The following TTC28 variants were observed in gnomAD, a reference collection of about 807,000 sequenced individuals.
TTC28 encodes the protein tetratricopeptide repeat domain 28, also known as tetratricopeptide repeat protein 28.
Under a neutral mutation model 198.0 loss-of-function variants are expected in TTC28, and 61 were observed. The ratio of observed to expected loss-of-function variants is 0.31; its 90% CI spans 0.25 to 0.38. TTC28 has a LOEUF of 0.38. Among genes scored for constraint, TTC28 ranks in the 10% least tolerant of loss-of-function variants. The probability of loss-of-function intolerance (pLI) is 1.00; values close to 1 mark genes in which losing one functional copy is unlikely to be tolerated. For synonymous variants in TTC28, 1,171 were observed against 1,297.8 expected, an observed-to-expected ratio of 0.90 and a Z score of 2.10; for missense variants, 2,678 against 3,164.0, an observed-to-expected ratio of 0.85 and a Z score of 3.69.
intron 2 of TTC28, among the ~76,000 whole-genome samples, chr22:28,479,838 G>A (rs1420538725): frequency 6.6e-6 from 1 of 151,864 alleles, no homozygotes; most frequent in African/African-American, 2.4e-5. Flanking sequence ...CCTGTTTTCT[G>A]TTCCACCACA....
intron 12 of TTC28, among the ~76,000 whole-genome samples, chr22:28,038,650 A>G (rs1939469113): frequency 6.6e-6 from 1 of 152,348 alleles, no homozygotes; most frequent in Non-Finnish European, 1.5e-5. Context: ...AATGGCAACA[A>G]AAGCCAAAAT....
intron 2 of TTC28, among the ~76,000 whole-genome samples, chr22:28,564,041 A>C (rs915060943): frequency 9.2e-5 from 14 of 152,222 alleles, no homozygotes; most frequent in African/African-American, 3.4e-4. Flanking sequence ...GATACAAATA[A>C]TCACATATTA....
At chr22:28,405,043 A>G (rs2046979521) in intron 2 of TTC28, among the ~76,000 whole-genome samples, 1 of 152,176 alleles carries the variant, frequency 6.6e-6, no homozygotes, top group African/African-American at 2.4e-5. Context: ...AAAGAATTCT[A>G]TCTTCACACA....
At chr22:28,079,585 T>C (rs1311301386) in intron 12 of TTC28, among the ~76,000 whole-genome samples, 4 of 152,206 alleles carry the variant, frequency 2.6e-5, no homozygotes, top group Admixed American at 2.0e-4. Flanking sequence ...GATACCTTAA[T>C]GTGAAATAAG....
chr22:28,177,163 C>T (rs778882798), intron 5 of TTC28, among the ~76,000 whole-genome samples: 13 of 151,966 alleles, frequency 8.6e-5, no homozygotes, highest in Non-Finnish European at 1.5e-4. Context: ...AAAAGCTCAA[C>T]AAGAAAACAA....
intron 21 of TTC28, among the ~76,000 whole-genome samples, chr22:27,987,615 C>T (rs1270081624): frequency 3.3e-5 from 5 of 152,148 alleles, no homozygotes; most frequent in Non-Finnish European, 5.9e-5. Context: ...TGCCTCAAGT[C>T]CCAGCTACTT....
chr22:28,373,745 C>T (rs2046370545), intron 2 of TTC28, among the ~76,000 whole-genome samples: 1 of 152,124 alleles, frequency 6.6e-6, no homozygotes, highest in Admixed American at 6.5e-5. Context: ...GACAGTAATC[C>T]TCTGTCAGTA....
At chr22:28,141,883 C>A (rs1159485637) in intron 6 of TTC28, among the ~76,000 whole-genome samples, 1 of 152,102 alleles carries the variant, frequency 6.6e-6, no homozygotes, top group Non-Finnish European at 1.5e-5. Context: ...TCAACACAGG[C>A]ACAAGGGATT....
intron 2 of TTC28, among the ~76,000 whole-genome samples, chr22:28,582,231 GA>G (rs2050243443): frequency 6.6e-6 from 1 of 152,080 alleles, no homozygotes; most frequent in Non-Finnish European, 1.5e-5. Flanking sequence ...GTGATAGGGA[GA>G]AGAAGATCCC....
intron 2 of TTC28, among the ~76,000 whole-genome samples, chr22:28,534,614 G>A (rs1021694225): frequency 3.3e-5 from 5 of 152,266 alleles, no homozygotes; most frequent in African/African-American, 4.8e-5. Flanking sequence ...ACATGCACAC[G>A]TATGTTTACT....
intron 2 of TTC28, among the ~76,000 whole-genome samples, chr22:28,389,634 G>T (rs2046679907): frequency 6.6e-6 from 1 of 151,002 alleles, no homozygotes; most frequent in Admixed American, 6.6e-5. Context: ...TTGCGTAGAG[G>T]TGTTTGTAGT....
In TTC28 at chr22:28,107,317, G is replaced by A. The variant is rs757323688; in HGVS notation, c.2528C>T (p.Thr843Ile). The A allele has an allele frequency of 9.7e-6, 15 of 1,551,752 alleles. No homozygotes were observed. The highest frequency in any genetic ancestry group is 1.3e-5 in the Non-Finnish European group (15 of 1,147,020). Residue 843 changes from threonine to isoleucine, a missense_variant, in exon 7 of 23, where the codon ACA becomes ATA. Physicochemically the swap from Thr to Ile is moderately conservative, Grantham distance 89. Coordinates refer to ENST00000397906, the MANE Select transcript of TTC28 (RefSeq NM_001145418.2). ...TTCCATCACATTCATGTTCATCTTT[G>A]TGATGCCCATGTTGCCATAGACCTG... ...EAQVYGNMGI[T>I]KMNMNVMEEA...
intron 2 of TTC28, among the ~76,000 whole-genome samples, chr22:28,522,393 C>G (rs1338942656): frequency 6.6e-6 from 1 of 151,252 alleles, no homozygotes; most frequent in Non-Finnish European, 1.5e-5. Flanking sequence ...GAGGCTGAGG[C>G]AGGAGAATCT....
chr22:28,321,328 C>T (rs17502181), intron 2 of TTC28, among the ~76,000 whole-genome samples: 27,832 of 152,116 alleles, frequency 0.18, 3,277 homozygotes, highest in Non-Finnish European at 0.26. Context: ...CTACAATCAA[C>T]GGTTGCTAAT....
At chr22:28,245,536 A>T (rs985650945) in intron 5 of TTC28, among the ~76,000 whole-genome samples, 4 of 152,148 alleles carry the variant, frequency 2.6e-5, no homozygotes, top group African/African-American at 9.7e-5. Context: ...TTTAGGGTGG[A>T]CTCCAAAACA....
At chr22:28,548,281 T>C (rs2049586335) in intron 2 of TTC28, among the ~76,000 whole-genome samples, 1 of 152,158 alleles carries the variant, frequency 6.6e-6, no homozygotes, top group South Asian at 2.1e-4. Flanking sequence ...TCTAAAAATA[T>C]ATGTTTTAAC....
At chr22:28,365,069 T>C (rs746783967) in intron 2 of TTC28, among the ~76,000 whole-genome samples, 1 of 152,206 alleles carries the variant, frequency 6.6e-6, no homozygotes, top group Non-Finnish European at 1.5e-5. Flanking sequence ...AACTTCACTG[T>C]TGTCTTAAGA....
chr22:28,017,621 A>G (rs374984051), intron 13 of TTC28, among the ~76,000 whole-genome samples: 1 of 152,154 alleles, frequency 6.6e-6, no homozygotes, highest in Non-Finnish European at 1.5e-5. Context: ...AGGGCTGGGG[A>G]TGCAGGCCGA....
chr22:28,512,008 G>C (rs943597925), intron 2 of TTC28, among the ~76,000 whole-genome samples: 1 of 151,562 alleles, frequency 6.6e-6, no homozygotes, highest in Non-Finnish European at 1.5e-5. Context: ...GGAGTGAACG[G>C]AAAACCTACA....
Sources: gnomAD v4.1 joint callset for allele counts (sites outside exome capture counted in the v4.1 genomes callset) on GRCh38, gnomAD v4.1.1 for gene constraint, MANE v1.5 for transcripts, NCBI Gene and HGNC (gene_info 2026-07-23, HGNC 2026-07-21) for gene names.